CRCP: variants seen among roughly 807,000 people sequenced by gnomAD.
The protein encoded by CRCP is DNA-directed RNA polymerase III subunit RPC9.
In CRCP, 18 loss-of-function variants were observed where a neutral mutation model predicts 18.5. The ratio of observed to expected loss-of-function variants is 0.97; its 90% confidence interval spans 0.67 to 1.44. The LOEUF is 1.44. Among genes scored for constraint, CRCP ranks in the 40% most tolerant of loss-of-function variants. CRCP has a pLI of 0.00. For synonymous variants in CRCP, 53 were observed against 62.9 expected (o/e 0.84, Z 0.75); for missense variants, 130 against 176.4 (o/e 0.74, Z 1.49).
At position 66,140,581 on chromosome 7, in the gene CRCP, G is replaced by A. The variant is rs375923968; in HGVS notation, c.240-4862G>A. On this transcript the variant is annotated intron_variant, in intron 4 of 5. Transcript: ENST00000395326. ...TAATTTTTGTATTTTTAGTAGAGAC[G>A]GGGTTTCTCCATGTTGGCCAGGCTG... Among the ~76,000 whole-genome samples the A allele has an allele frequency of 1.8e-3, 274 of 152,020 alleles. 1 individual carries two copies. The highest frequency in any genetic ancestry group is 3.3e-3 in the Non-Finnish European group (226 of 67,954).
chr7:66,151,871 T>C (rs1788486298), intron 5 of CRCP, among the ~76,000 whole-genome samples: 1 of 151,076 alleles, frequency 6.6e-6, no homozygotes, highest in South Asian at 2.1e-4. Context: ...CTGGGACTAT[T>C]GGCACACACC....
chr7:66,140,395 CT>C (rs34069697), intron 4 of CRCP, among the ~76,000 whole-genome samples: 186 of 142,752 alleles, frequency 1.3e-3, no homozygotes, highest in East Asian at 4.4e-3. Context: ...CTTTTCTTTT[CT>C]TTTTTTTTTT....
chr7:66,152,230 G>C lies in CRCP; in HGVS notation c.320G>C (p.Arg107Pro). Residue 107 changes from arginine (R) to proline (P), a missense_variant, in exon 6 of 6, where the codon CGG becomes CCG. By Grantham distance (103) the Arg-to-Pro change is moderately radical. Transcript: ENST00000395326. ...CAGATGGTGGAAGAGAGTGAAGAGC[G>C]GCTCACGGAGGAGCAGATTGAAGCT... Reference protein sequence around the residue: ...IQLMVEESEERLTEEQIEALL... With the variant: ...IQLMVEESEEPLTEEQIEALL... The C allele has an allele frequency of 6.2e-7, 1 of 1,614,132 alleles. No homozygotes were observed.
chr7:66,146,606 A>G (rs951097684), intron 5 of CRCP, among the ~76,000 whole-genome samples: 3 of 152,214 alleles, frequency 2.0e-5, no homozygotes, highest in African/African-American at 7.2e-5. Context: ...GCTAATGGAA[A>G]AACTTTTTAA....
intron 1 of CRCP, among the ~76,000 whole-genome samples, chr7:66,115,945 C>T (rs1216281282): frequency 2.0e-5 from 3 of 152,126 alleles, no homozygotes; most frequent in Admixed American, 1.3e-4. Flanking sequence ...TACAGGCCCA[C>T]GCCATCACTC....
chr7:66,117,146 C>T (rs1215066033), intron 1 of CRCP, among the ~76,000 whole-genome samples: 5 of 151,786 alleles, frequency 3.3e-5, no homozygotes, highest in African/African-American at 1.2e-4. Context: ...AACCTGATCC[C>T]TCCATCTTGT....
At chr7:66,115,382 T>C in intron 1 of CRCP, among the ~76,000 whole-genome samples, 1 of 152,156 alleles carries the variant, frequency 6.6e-6, no homozygotes. Flanking sequence ...CAGGGCCGGG[T>C]AGAGCTCTGC....
At chr7:66,131,131 C>T (rs975382865) in intron 3 of CRCP, among the ~76,000 whole-genome samples, 4 of 151,956 alleles carry the variant, frequency 2.6e-5, no homozygotes, top group Admixed American at 6.6e-5. Context: ...CCCTCCACCA[C>T]GGCCAGCTGA....
intron 1 of CRCP, among the ~76,000 whole-genome samples, chr7:66,127,193 G>A (rs151019406): frequency 3.3e-5 from 5 of 152,294 alleles, no homozygotes; most frequent in Admixed American, 1.3e-4. Flanking sequence ...ATGTCACATC[G>A]TTGTGTTTCT....
At chr7:66,149,523 T>A (rs1376501243) in intron 5 of CRCP, among the ~76,000 whole-genome samples, 1 of 152,192 alleles carries the variant, frequency 6.6e-6, no homozygotes, top group Non-Finnish European at 1.5e-5. Flanking sequence ...AAGATTTGAT[T>A]ATTTAACCTG....
chr7:66,136,808 G>A (rs1482589396), intron 4 of CRCP, among the ~76,000 whole-genome samples: 3 of 151,780 alleles, frequency 2.0e-5, no homozygotes, highest in Non-Finnish European at 4.4e-5. Context: ...GGACGGGCAC[G>A]GTGGCTCACA....
intron 4 of CRCP, among the ~76,000 whole-genome samples, chr7:66,136,819 C>T (rs1437619754): frequency 2.0e-5 from 3 of 151,908 alleles, no homozygotes; most frequent in East Asian, 3.9e-4. Flanking sequence ...GTGGCTCACA[C>T]CTATAATCCC....
intron 4 of CRCP, 112 bp downstream of exon 4, chr7:66,134,486 A>G: frequency 1.3e-6 from 1 of 746,554 alleles, no homozygotes; most frequent in South Asian, 1.6e-5. Flanking sequence ...AAGAAGGATT[A>G]TAGTATTGGA....
chr7:66,152,091 C>G, intron 5 of CRCP, 117 bp from the exon 6 acceptor site: 1 of 1,141,942 alleles, frequency 8.8e-7, no homozygotes, highest in South Asian at 1.4e-5. Context: ...CACGAGGACC[C>G]AGGCTGTGAG....
chr7:66,126,320 G>A (rs1442772029), intron 1 of CRCP, among the ~76,000 whole-genome samples: 9 of 146,374 alleles, frequency 6.1e-5, no homozygotes, highest in African/African-American at 2.2e-4. Flanking sequence ...GGATCATCTC[G>A]CCACACTCCT....
intron 5 of CRCP, chr7:66,150,948 TGTGA>T (rs1788439558): frequency 6.6e-6 from 1 of 152,204 alleles, no homozygotes; most frequent in East Asian, 1.9e-4. Context: ...TGGCTCAGGC[TGTGA>T]GTATCATCTC....
intron 1 of CRCP, chr7:66,126,766 A>C (rs1787628928): frequency 9.2e-6 from 3 of 327,674 alleles, no homozygotes; most frequent in South Asian, 4.9e-5. Flanking sequence ...TAGTAGTGAT[A>C]ATGTTGGTGC....
chr7:66,115,990 A>C (rs1210476341), intron 1 of CRCP, among the ~76,000 whole-genome samples: 2 of 152,110 alleles, frequency 1.3e-5, no homozygotes, highest in Non-Finnish European at 2.9e-5. Flanking sequence ...TTGTAGATGC[A>C]GGGTCTCACT....
chr7:66,118,821 T>A (rs1224232474), intron 1 of CRCP, among the ~76,000 whole-genome samples: 2 of 152,198 alleles, frequency 1.3e-5, no homozygotes, highest in Non-Finnish European at 2.9e-5. Context: ...TGTTAAAGTA[T>A]TTGTCCTTTG....
Sources: allele counts gnomAD v4.1 joint callset (sites outside exome capture counted in the v4.1 genomes callset), GRCh38; gene constraint gnomAD v4.1.1; transcripts MANE v1.5; gene names NCBI Gene and HGNC (gene_info 2026-07-23, HGNC 2026-07-21).